The following ZBTB20 variants were observed in gnomAD, a reference collection of about 807,000 sequenced individuals.
ZBTB20 encodes the protein zinc finger and BTB domain-containing protein 20.
Under a neutral mutation model 56.9 loss-of-function variants are expected in ZBTB20, and 9 were observed. The ratio of observed to expected loss-of-function variants is 0.16; its 90% confidence interval spans 0.10 to 0.28. The LOEUF is 0.28. Ranked by LOEUF, ZBTB20 falls within the 10% of genes least tolerant of loss-of-function variation. The pLI is 1.00. For synonymous variants in ZBTB20, 417 were observed against 420.7 expected (o/e 0.99, Z 0.11); for missense variants, 655 against 1,003.0 (o/e 0.65, Z 4.69).
At chr3:114,688,249 A>C (rs2062470118) in intron 6 of ZBTB20, 1 of 152,198 alleles carries the variant, frequency 6.6e-6, no homozygotes, top group Non-Finnish European at 1.5e-5. Flanking sequence ...ACAAAACAAC[A>C]ACAACAAAAA....
At chr3:114,963,109 C>T (rs1167363340) in intron 3 of ZBTB20, among the ~76,000 whole-genome samples, 1 of 151,842 alleles carries the variant, frequency 6.6e-6, no homozygotes, top group African/African-American at 2.4e-5. Context: ...TTCAGTCTCT[C>T]AATCCCTCCT....
intron 7 of ZBTB20, among the ~76,000 whole-genome samples, chr3:114,403,116 C>T (rs2086969632): frequency 6.6e-6 from 1 of 152,086 alleles, no homozygotes; most frequent in African/African-American, 2.4e-5. Flanking sequence ...GCATCAGAAG[C>T]TTGTAGTTAA....
At chr3:114,431,889 C>T (rs956311536) in intron 7 of ZBTB20, among the ~76,000 whole-genome samples, 1 of 152,140 alleles carries the variant, frequency 6.6e-6, no homozygotes. Flanking sequence ...ACAGCATTCA[C>T]AGTAGCTTTT....
chr3:114,785,421 C>T (rs761529673), intron 5 of ZBTB20, among the ~76,000 whole-genome samples: 5 of 151,924 alleles, frequency 3.3e-5, no homozygotes, highest in East Asian at 1.9e-4. Flanking sequence ...ATTAAGAACA[C>T]GGTAGCTGAA....
At chr3:114,379,404 CAT>C (rs781772103) in intron 10 of ZBTB20, among the ~76,000 whole-genome samples, 40 of 152,272 alleles carry the variant, frequency 2.6e-4, no homozygotes, top group East Asian at 1.2e-3. Flanking sequence ...TGTCAACACA[CAT>C]GTTTCTTTTT....
chr3:115,025,437 G>A (rs2080383942), intron 2 of ZBTB20, among the ~76,000 whole-genome samples: 1 of 151,138 alleles, frequency 6.6e-6, no homozygotes, highest in Non-Finnish European at 1.5e-5. Flanking sequence ...ATAATAGAAT[G>A]ATTTATATTC....
chr3:114,528,472 G>A (rs192601927), intron 6 of ZBTB20, among the ~76,000 whole-genome samples: 1 of 152,154 alleles, frequency 6.6e-6, no homozygotes, highest in East Asian at 1.9e-4. Flanking sequence ...AGAAATATGG[G>A]CTATATTGAA....
At chr3:115,132,931 G>A (rs971054787) in intron 1 of ZBTB20, among the ~76,000 whole-genome samples, 1 of 151,972 alleles carries the variant, frequency 6.6e-6, no homozygotes, top group Non-Finnish European at 1.5e-5. Flanking sequence ...TTTTAAAATA[G>A]CTACTAGTGA....
chr3:114,455,700 C>T (rs188905175), intron 7 of ZBTB20, among the ~76,000 whole-genome samples: 3 of 152,118 alleles, frequency 2.0e-5, no homozygotes, highest in East Asian at 1.9e-4. Flanking sequence ...ATTTTAGGCA[C>T]GGCACGATCT....
intron 3 of ZBTB20, among the ~76,000 whole-genome samples, chr3:114,928,120 CA>C (rs1307008593): frequency 6.6e-6 from 1 of 152,200 alleles, no homozygotes; most frequent in Admixed American, 6.5e-5. Context: ...TTCTGCTTTC[CA>C]GGTGTAAAAT....
chr3:114,775,473 AT>A (rs543999824), intron 5 of ZBTB20, among the ~76,000 whole-genome samples: 2,283 of 146,444 alleles, frequency 0.016, 62 homozygotes, highest in African/African-American at 0.053. Flanking sequence ...GCCTTATTTA[AT>A]TTTTTTTTTC....
In ZBTB20 at chr3:114,350,281, T is replaced by C. The variant is rs755193739; in HGVS notation, c.1797A>G (p.Val599=). The part of the protein sequence containing the change: ...AKQNYVKHMF[V]HTGEKPHQCS... ...AGGTGGGGTGACACTCACCTGTGTG[T>C]ACGAACATGTGCTTGACGTAGTTCT... is the stretch of plus-strand genomic sequence containing the variant. Residue 599 remains valine (V), a synonymous_variant, in exon 11 of 12, where the codon GTA becomes GTG. Transcript: ENST00000675478. The C allele has an allele frequency of 6.2e-6, 10 of 1,602,470 alleles. No homozygotes were observed. In the Admixed American group the frequency reaches 1.7e-4, roughly 27 times the overall value.
intron 2 of ZBTB20, among the ~76,000 whole-genome samples, chr3:115,013,738 C>A (rs1351777480): frequency 1.3e-5 from 2 of 151,550 alleles, no homozygotes; most frequent in Non-Finnish European, 3.0e-5. Context: ...CATTTCGGAT[C>A]AAATGGCTTT....
chr3:114,495,062 T>C (rs1460364286), intron 7 of ZBTB20, among the ~76,000 whole-genome samples: 2 of 152,220 alleles, frequency 1.3e-5, no homozygotes, highest in African/African-American at 2.4e-5. Context: ...TGAAACCCTA[T>C]GGTACTTCCT....
intron 6 of ZBTB20, among the ~76,000 whole-genome samples, chr3:114,596,420 A>G (rs1577848978): frequency 6.6e-6 from 1 of 152,188 alleles, no homozygotes; most frequent in Non-Finnish European, 1.5e-5. Context: ...ACATGACATC[A>G]TATAAATGAG....
At chr3:114,862,864 CA>C (rs2075594973) in intron 4 of ZBTB20, among the ~76,000 whole-genome samples, 2 of 152,122 alleles carry the variant, frequency 1.3e-5, no homozygotes, top group Admixed American at 6.6e-5. Context: ...AATATATAAC[CA>C]AATCTAGGAT....
chr3:114,768,268 AT>A (rs1306642725), intron 5 of ZBTB20, among the ~76,000 whole-genome samples: 2 of 152,070 alleles, frequency 1.3e-5, no homozygotes, highest in Non-Finnish European at 2.9e-5. Context: ...TCAATAAAAA[AT>A]ATGACTTGAC....
intron 1 of ZBTB20, among the ~76,000 whole-genome samples, chr3:115,089,502 A>G (rs1463552770): frequency 1.3e-5 from 2 of 151,862 alleles, no homozygotes; most frequent in Non-Finnish European, 2.9e-5. Context: ...CTCAATTTAC[A>G]TGGTCTAAGC....
intron 5 of ZBTB20, among the ~76,000 whole-genome samples, chr3:114,773,869 G>A (rs2069397972): frequency 6.6e-6 from 1 of 152,130 alleles, no homozygotes; most frequent in Non-Finnish European, 1.5e-5. Context: ...CAAAAACTAT[G>A]ATTATTTATT....
Sources: gnomAD v4.1 joint callset for allele counts (sites outside exome capture counted in the v4.1 genomes callset) on GRCh38, gnomAD v4.1.1 for gene constraint, MANE v1.5 for transcripts, NCBI Gene and HGNC (gene_info 2026-07-23, HGNC 2026-07-21) for gene names.